The following PCDH9 variants were observed in gnomAD, a reference collection of about 807,000 sequenced individuals.
The protein encoded by PCDH9 is protocadherin 9.
A neutral mutation model predicts 70.6 loss-of-function variants in PCDH9; 24 were observed. That is an observed-to-expected ratio of 0.34 (90% CI 0.25 to 0.48). The LOEUF (loss-of-function observed/expected upper bound fraction) is 0.48. Ranked by LOEUF, PCDH9 falls within the 20% of genes least tolerant of loss-of-function variation. PCDH9 has a pLI of 0.99. For missense variants in PCDH9, 1,281 were observed against 1,503.6 expected (o/e 0.85, Z 2.45); for synonymous variants, 562 against 558.5 (o/e 1.01, Z -0.09).
chr13:67,018,717 C>A (rs933006542), intron 2 of PCDH9, among the ~76,000 whole-genome samples: 8 of 150,782 alleles, frequency 5.3e-5, no homozygotes, highest in South Asian at 2.1e-4. Context: ...AAGAAACAAA[C>A]AAAAAACTAT....
intron 2 of PCDH9, among the ~76,000 whole-genome samples, chr13:67,073,572 T>C (rs1437407918): frequency 2.0e-5 from 3 of 152,124 alleles, no homozygotes; most frequent in Admixed American, 6.6e-5. Flanking sequence ...CAATCTCTTA[T>C]ATAACTATGT....
At chr13:66,356,867 T>C (rs987475221) in intron 4 of PCDH9, among the ~76,000 whole-genome samples, 2 of 152,080 alleles carry the variant, frequency 1.3e-5, no homozygotes, top group African/African-American at 4.8e-5. Flanking sequence ...ACTGTCATTA[T>C]GTACCATTTA....
chr13:67,220,987 G>A (rs1003648970), intron 2 of PCDH9: 1 of 152,036 alleles, frequency 6.6e-6, no homozygotes, highest in Non-Finnish European at 1.5e-5. Flanking sequence ...TAATATCCAA[G>A]GGCTCTGGGT....
intron 2 of PCDH9, among the ~76,000 whole-genome samples, chr13:67,010,707 C>T (rs969190894): frequency 6.6e-6 from 1 of 151,906 alleles, no homozygotes; most frequent in Non-Finnish European, 1.5e-5. Flanking sequence ...GATTTCTTGT[C>T]CTTGATGACA....
chr13:66,948,904 T>C (rs1471096127), intron 2 of PCDH9, among the ~76,000 whole-genome samples: 2 of 152,122 alleles, frequency 1.3e-5, no homozygotes, highest in East Asian at 3.8e-4. Flanking sequence ...ATTCAGCATT[T>C]TAGGTTTGAA....
chr13:67,169,787 A>C (rs1378824226), intron 2 of PCDH9, among the ~76,000 whole-genome samples: 1 of 152,192 alleles, frequency 6.6e-6, no homozygotes, highest in East Asian at 1.9e-4. Flanking sequence ...TAAGAAAGTA[A>C]ATTAATCTTT....
At chr13:66,842,595 G>A (rs1281626486) in intron 3 of PCDH9, among the ~76,000 whole-genome samples, 6 of 152,032 alleles carry the variant, frequency 3.9e-5, no homozygotes, top group Non-Finnish European at 7.4e-5. Context: ...TCTCTTTTCT[G>A]AACTTAGAAT....
At chr13:66,470,615 G>C (rs551235198) in intron 4 of PCDH9, among the ~76,000 whole-genome samples, 50 of 151,512 alleles carry the variant, frequency 3.3e-4, no homozygotes, top group Middle Eastern at 3.4e-3. Flanking sequence ...TGTTGTCTAT[G>C]ATGAGGTACA....
At chr13:66,982,318 T>G (rs1277418736) in intron 2 of PCDH9, among the ~76,000 whole-genome samples, 1 of 152,228 alleles carries the variant, frequency 6.6e-6, no homozygotes, top group East Asian at 1.9e-4. Flanking sequence ...TATTTCTTTA[T>G]AGCAATGCAT....
chr13:67,196,648 G>C (rs2089072567), intron 2 of PCDH9, among the ~76,000 whole-genome samples: 3 of 151,884 alleles, frequency 2.0e-5, no homozygotes, highest in Admixed American at 2.0e-4. Context: ...TGAATACTGG[G>C]CAAGTGCATT....
intron 2 of PCDH9, among the ~76,000 whole-genome samples, chr13:67,135,264 T>C (rs911232116): frequency 6.6e-6 from 1 of 152,108 alleles, no homozygotes; most frequent in African/African-American, 2.4e-5. Context: ...ATTTTTTTAC[T>C]GTTTAATAAT....
intron 4 of PCDH9, among the ~76,000 whole-genome samples, chr13:66,507,785 G>A (rs1168886099): frequency 6.6e-6 from 1 of 151,978 alleles, no homozygotes; most frequent in Non-Finnish European, 1.5e-5. Flanking sequence ...TCAGTGGTGC[G>A]ATATTGCCTC....
At chr13:66,719,163 C>T (rs1360659180) in intron 3 of PCDH9, among the ~76,000 whole-genome samples, 1 of 152,150 alleles carries the variant, frequency 6.6e-6, no homozygotes, top group Non-Finnish European at 1.5e-5. Context: ...TGGAGATAGC[C>T]GTAGCTGGGC....
chr13:67,158,513 A>G lies in PCDH9; in HGVS notation c.3036+66892T>C, dbSNP rs112311541. Among the ~76,000 whole-genome samples the G allele has an allele frequency of 7.7e-3, 1,180 of 152,318 alleles. 17 individuals carry two copies. The highest frequency in any genetic ancestry group is 0.027 in the African/African-American group (1,136 of 41,574). The stretch of plus-strand genomic sequence containing the variant: ...ATTCCGTCATGAGGGCAGGGCCCTC[A>G]TGAGTAGGTTAGTGCCCCTATATGA... On this transcript the variant is annotated intron_variant, in intron 2 of 4. Transcript: ENST00000377865.
chr13:67,229,217 C>T (rs576264682), intron 1 of PCDH9, among the ~76,000 whole-genome samples: 1 of 152,322 alleles, frequency 6.6e-6, no homozygotes, highest in Non-Finnish European at 1.5e-5. Flanking sequence ...CCACAGCTTG[C>T]TCTCCTTTCT....
At chr13:66,932,746 A>C (rs2082837556) in intron 2 of PCDH9, among the ~76,000 whole-genome samples, 1 of 149,436 alleles carries the variant, frequency 6.7e-6, no homozygotes, top group South Asian at 2.1e-4. Context: ...TATATATCAT[A>C]TAATGAACTT....
intron 2 of PCDH9, among the ~76,000 whole-genome samples, chr13:67,169,670 C>T (rs921371913): frequency 5.9e-5 from 9 of 152,078 alleles, no homozygotes; most frequent in African/African-American, 1.9e-4. Context: ...TCTGAACAAC[C>T]CTAGGCTATT....
intron 3 of PCDH9, among the ~76,000 whole-genome samples, chr13:66,709,020 T>C (rs1289674655): frequency 6.6e-6 from 1 of 152,186 alleles, no homozygotes; most frequent in African/African-American, 2.4e-5. Context: ...AAGATCAGAA[T>C]TGAGATTGAA....
chr13:66,532,215 G>C (rs2138635426), intron 4 of PCDH9, among the ~76,000 whole-genome samples: 1 of 151,562 alleles, frequency 6.6e-6, no homozygotes, highest in South Asian at 2.1e-4. Flanking sequence ...TATTGCTCAA[G>C]CTGGTCTCAA....
Sources: allele counts gnomAD v4.1 joint callset (sites outside exome capture counted in the v4.1 genomes callset), GRCh38; gene constraint gnomAD v4.1.1; transcripts MANE v1.5; gene names NCBI Gene and HGNC (gene_info 2026-07-23, HGNC 2026-07-21).